The following ZNF569 variants were observed in gnomAD, a reference collection of about 807,000 sequenced individuals.
ZNF569 encodes the protein zinc finger protein 569, also known as DNA-binding protein.
A neutral mutation model predicts 56.3 loss-of-function variants in ZNF569; 38 were observed. The ratio of observed to expected loss-of-function variants is 0.68; its 90% CI spans 0.52 to 0.88. The LOEUF is 0.88. ZNF569 is among the 40% of genes least tolerant of loss of function. ZNF569 has a pLI of 0.00. For synonymous variants in ZNF569, 241 were observed against 262.9 expected, an observed-to-expected ratio of 0.92 and a Z score of 0.81; for missense variants, 666 against 809.2, an observed-to-expected ratio of 0.82 and a Z score of 2.15.
rs2040855360 is a variant in ZNF569 at position 37,412,591 on chromosome 19, G to A, written c.*6C>T. 1 of 1,574,282 alleles carries A rather than the reference G, an allele frequency of 6.4e-7. No individual in the cohort carries two copies. The highest frequency in any genetic ancestry group is 8.6e-7 in the Non-Finnish European group (1 of 1,163,262). On this transcript the variant is annotated 3_prime_UTR_variant, in exon 6 of 6. Transcript: ENST00000316950. ...CCTTGCCATATTCACAATATTCATAGGGTTTCTAATGAGTATGAATTCTCT... is the reference window on the plus strand; with the variant it reads ...CCTTGCCATATTCACAATATTCATAAGGTTTCTAATGAGTATGAATTCTCT...
rs772869275 is a variant in ZNF569 at position 37,413,772 on chromosome 19, T to C, written c.886A>G (p.Lys296Glu). The C allele has an allele frequency of 3.1e-6, 5 of 1,613,592 alleles. No individual in the cohort carries two copies. In the East Asian group the frequency reaches 8.9e-5, roughly 29 times the overall value. The stretch of plus-strand genomic sequence containing the variant: ...CCACACTCATTACATTCATAAGGTT[T>C]CTCTCCAGTATGAATTTTTTCATGA... Reference protein sequence around the residue: ...IDHEKIHTGEKPYECNECGKA... With the variant: ...IDHEKIHTGEEPYECNECGKA... The change falls in exon 6 of 6, where the codon AAA (lysine) becomes GAA (glutamate). Residue 296 changes from lysine to glutamate, a missense_variant. By Grantham distance (56) the Lys-to-Glu change is moderately conservative. Coordinates refer to ENST00000316950, the MANE Select transcript of ZNF569 (RefSeq NM_152484.3).
chr19:37,455,031 G>C, intron 2 of ZNF569: 1 of 544,314 alleles, frequency 1.8e-6, no homozygotes, highest in South Asian at 2.5e-5. Context: ...TAGTTTCCTT[G>C]TTGTAATGAT....
chr19:37,442,963 T>C (rs1265165519), intron 3 of ZNF569, among the ~76,000 whole-genome samples: 1 of 152,236 alleles, frequency 6.6e-6, no homozygotes, highest in Non-Finnish European at 1.5e-5. Context: ...ATTTCTTCAC[T>C]GAGTGTGTGC....
intron 2 of ZNF569, among the ~76,000 whole-genome samples, chr19:37,447,331 T>C (rs575689301): frequency 6.6e-6 from 1 of 152,228 alleles, no homozygotes; most frequent in East Asian, 1.9e-4. Flanking sequence ...TGCAAAAATA[T>C]GGAACCAGCC....
At chr19:37,449,615 C>A (rs2041558911) in intron 2 of ZNF569, among the ~76,000 whole-genome samples, 1 of 148,848 alleles carries the variant, frequency 6.7e-6, no homozygotes, top group African/African-American at 2.5e-5. Context: ...ATCCCTTGTT[C>A]TAAACTTTGT....
intron 2 of ZNF569, among the ~76,000 whole-genome samples, chr19:37,448,646 C>T (rs939550221): frequency 4.7e-5 from 7 of 148,430 alleles, no homozygotes; most frequent in African/African-American, 1.8e-4. Context: ...TCACCGCAAG[C>T]TCCGCCTCCC....
chr19:37,414,457 T>G lies in ZNF569; in HGVS notation c.239-38A>C, dbSNP rs367650313. On this transcript the variant is annotated intron_variant, in intron 5 of 5. Coordinates refer to ENST00000316950, the MANE Select transcript of ZNF569 (RefSeq NM_152484.3). ...GCAAATAAATATCACTTACAAATTT[T>G]TTTCCAATATTGTAATATGAAGAAC... 2.3e-5 allele frequency: 35 copies of G among 1,521,040 alleles called. No homozygotes were observed. The African/African-American group carries it at 4.5e-4, about 19-fold the overall frequency. 94.2% of individuals were successfully genotyped at this position (1,521,040 alleles called of 1,614,324 possible).
chr19:37,430,194 C>CAAAA (rs57159479), intron 3 of ZNF569, among the ~76,000 whole-genome samples: 22 of 133,220 alleles, frequency 1.7e-4, no homozygotes, highest in Middle Eastern at 3.9e-3. Context: ...GACCCTATCT[C>CAAAA]AAAAAAAAAA....
At position 37,431,487 on chromosome 19, in the gene ZNF569, G is replaced by A. The variant is rs78054625; in HGVS notation, c.16-5109C>T. 583 of 152,394 alleles carry A rather than the reference G, an allele frequency of 3.8e-3. 5 individuals are homozygous for A. The highest frequency in any genetic ancestry group is 0.013 in the African/African-American group (558 of 41,532). The allele number at this position is 152,394 out of a possible 1,614,324, so 9.4% of individuals were successfully genotyped here. A position where few individuals can be genotyped will look rare whatever the true frequency, so the allele number is the denominator to read the frequency against. On this transcript the variant is annotated intron_variant, in intron 3 of 5. Transcript: ENST00000316950. ...TGAGAGGAAGAACTCAGTCTTCGCA[G>A]CATTTATCACCTACTGACTAAAGAG...
intron 3 of ZNF569, among the ~76,000 whole-genome samples, chr19:37,438,303 C>T (rs921527162): frequency 6.6e-6 from 1 of 151,970 alleles, no homozygotes; most frequent in African/African-American, 2.4e-5. Context: ...AGAGGATTAC[C>T]TAAGCCCAGG....
At chr19:37,463,164 C>T (rs2146980414) in intron 2 of ZNF569, among the ~76,000 whole-genome samples, 1 of 152,260 alleles carries the variant, frequency 6.6e-6, no homozygotes, top group South Asian at 2.1e-4. Flanking sequence ...TAGTACATGA[C>T]TACTTCTTAG....
In ZNF569 at chr19:37,456,871, G is replaced by A. The variant is rs569374114; in HGVS notation, c.-44+8442C>T. 3.3e-5 allele frequency among the ~76,000 whole-genome samples: 5 copies of A among 152,000 alleles called. No individual in the cohort carries two copies. In the South Asian group the frequency reaches 8.3e-4, roughly 25 times the overall value. On this transcript the variant is annotated intron_variant, in intron 2 of 5. Coordinates refer to ENST00000316950, the MANE Select transcript of ZNF569 (RefSeq NM_152484.3). ...TAATCCTAGCTACTCAGGAGGCTGA[G>A]GCAGGAGAATCGCTTGAACCCAGGA...
At position 37,413,027 on chromosome 19, in the gene ZNF569, T is replaced by C. The variant is rs1213745957; in HGVS notation, c.1631A>G (p.His544Arg). The change falls in exon 6 of 6, where the codon CAT becomes CGT. Residue 544 changes from histidine to arginine, a missense_variant. By Grantham distance (29) the His-to-Arg change is conservative. Coordinates refer to ENST00000316950, the MANE Select transcript of ZNF569 (RefSeq NM_152484.3). ...IASLTLHLRS[H>R]TGEKPYECDK... ...ACATTCATAAGGCTTTTCCCCTGTA[T>C]GACTTCTCAAATGAAGGGTAAGGGA... 1.9e-6 allele frequency: 3 copies of C among 1,613,874 alleles called. No homozygotes were observed. The highest frequency in any genetic ancestry group is 2.7e-5 in the African/African-American group (2 of 74,904).
chr19:37,446,463 T>C (rs906978497), intron 2 of ZNF569, among the ~76,000 whole-genome samples: 1 of 147,398 alleles, frequency 6.8e-6, no homozygotes, highest in African/African-American at 2.5e-5. Flanking sequence ...GGCAGGAGAA[T>C]GGCGTGAACC....
chr19:37,461,410 G>A (rs1302630140), intron 2 of ZNF569, among the ~76,000 whole-genome samples: 5 of 151,280 alleles, frequency 3.3e-5, no homozygotes, highest in Non-Finnish European at 7.4e-5. Flanking sequence ...GGGTTCAAGC[G>A]ATTCTCCTGC....
At position 37,413,021 on chromosome 19, in the gene ZNF569, C is replaced by T; in HGVS notation, c.1637G>A (p.Gly546Glu). The T allele has an allele frequency of 6.2e-7, 1 of 1,613,862 alleles. No individual in the cohort carries two copies. Among genetic ancestry groups the T allele is most frequent in the South Asian group, 1.1e-5 (1 of 91,040 alleles). The change falls in exon 6 of 6, where the codon GGG (glycine) becomes GAG (glutamate). Residue 546 changes from glycine (G) to glutamate (E), a missense_variant. Coordinates refer to ENST00000316950, the MANE Select transcript of ZNF569 (RefSeq NM_152484.3). ...TTTATCACATTCATAAGGCTTTTCC[C>T]CTGTATGACTTCTCAAATGAAGGGT... ...SLTLHLRSHT[G>E]EKPYECDKCG... is the part of the protein sequence containing the mutation.
chr19:37,448,929 T>G (rs1236102838), intron 2 of ZNF569, among the ~76,000 whole-genome samples: 2 of 152,144 alleles, frequency 1.3e-5, no homozygotes, highest in Non-Finnish European at 2.9e-5. Flanking sequence ...AAGGCAGAAG[T>G]GTAGTAATGA....
intron 5 of ZNF569, among the ~76,000 whole-genome samples, chr19:37,421,996 G>A (rs1336366103): frequency 6.6e-6 from 1 of 151,824 alleles, no homozygotes; most frequent in Non-Finnish European, 1.5e-5. Flanking sequence ...GCAATCCACC[G>A]GCCTCAGCCT....
chr19:37,413,653 G>T lies in ZNF569; in HGVS notation c.1005C>A (p.Phe335Leu), dbSNP rs761536899. The change falls in exon 6 of 6, where the codon TTC (phenylalanine) becomes TTA (leucine). Residue 335 changes from phenylalanine to leucine, a missense_variant. Coordinates refer to ENST00000316950, the MANE Select transcript of ZNF569 (RefSeq NM_152484.3). Reference sequence around the variant, plus strand: ...GAAGAGCAAGGGATGCAATTCGAGGGAAGGCTTTACCACATTCATTACATG... The same window carrying T: ...GAAGAGCAAGGGATGCAATTCGAGGTAAGGCTTTACCACATTCATTACATG... The part of the protein sequence containing the change: ...PYACNECGKA[F>L]PRIASLALHM... 2 of 1,613,884 alleles carry T rather than the reference G, an allele frequency of 1.2e-6. No homozygotes were observed. Among genetic ancestry groups the T allele is most frequent in the Admixed American group, 3.3e-5 (2 of 60,004 alleles).
Sources: gnomAD v4.1 joint callset for allele counts (sites outside exome capture counted in the v4.1 genomes callset) on GRCh38, gnomAD v4.1.1 for gene constraint, MANE v1.5 for transcripts, NCBI Gene and HGNC (gene_info 2026-07-23, HGNC 2026-07-21) for gene names.